Variants in SEMA5A observed in about 807,000 individuals in gnomAD.
The protein encoded by SEMA5A is semaphorin 5A.
In SEMA5A, 55 loss-of-function variants were observed where a neutral mutation model predicts 135.5. That is an observed-to-expected ratio of 0.41 (90% CI 0.33 to 0.51). The LOEUF is 0.51. Ranked by LOEUF, SEMA5A falls within the 20% of genes least tolerant of loss-of-function variation. SEMA5A has a pLI of 0.37. For missense variants in SEMA5A, 1,290 were observed against 1,419.9 expected (o/e 0.91, Z 1.47); for synonymous variants, 580 against 546.5 (o/e 1.06, Z -0.85).
intron 3 of SEMA5A, among the ~76,000 whole-genome samples, chr5:9,341,049 C>T (rs1319303492): frequency 1.3e-5 from 2 of 152,088 alleles, no homozygotes; most frequent in Non-Finnish European, 2.9e-5. Flanking sequence ...CCTATATGTA[C>T]ATCCTCTCCT....
At chr5:9,457,050 C>T (rs776261636) in intron 1 of SEMA5A, among the ~76,000 whole-genome samples, 8 of 152,156 alleles carry the variant, frequency 5.3e-5, no homozygotes, top group African/African-American at 7.2e-5. Flanking sequence ...CATTCTAGAT[C>T]GAGCCTAGCA....
chr5:9,329,557 G>C (rs935984711), intron 4 of SEMA5A, among the ~76,000 whole-genome samples: 4 of 152,210 alleles, frequency 2.6e-5, no homozygotes, highest in African/African-American at 9.7e-5. Context: ...GAGTAACACA[G>C]AGTCTTGAAA....
chr5:9,062,336 C>T (rs1342876180), intron 18 of SEMA5A, among the ~76,000 whole-genome samples: 2 of 152,094 alleles, frequency 1.3e-5, no homozygotes, highest in Non-Finnish European at 2.9e-5. Flanking sequence ...AGAGAATGGT[C>T]TTAATATTGC....
intron 5 of SEMA5A, among the ~76,000 whole-genome samples, chr5:9,314,207 T>C (rs1192329370): frequency 5.3e-5 from 8 of 152,186 alleles, no homozygotes; most frequent in African/African-American, 1.9e-4. Context: ...CATCTTTCTA[T>C]GTAATAATTG....
intron 5 of SEMA5A, among the ~76,000 whole-genome samples, chr5:9,267,946 C>T (rs574672418): frequency 2.0e-5 from 3 of 152,050 alleles, no homozygotes; most frequent in Non-Finnish European, 4.4e-5. Flanking sequence ...CATGCAAAAA[C>T]ATGCATATGA....
chr5:9,434,411 C>T (rs964662949), intron 2 of SEMA5A, among the ~76,000 whole-genome samples: 3 of 152,026 alleles, frequency 2.0e-5, no homozygotes, highest in Admixed American at 1.3e-4. Flanking sequence ...TGAGCATTCA[C>T]TACATTAATG....
At chr5:9,519,909 TC>T (rs1736727468) in intron 1 of SEMA5A, 1 of 152,184 alleles carries the variant, frequency 6.6e-6, no homozygotes, top group Non-Finnish European at 1.5e-5. Flanking sequence ...ATTTTAATAC[TC>T]CTAGACAATG....
At chr5:9,364,268 C>A (rs539143259) in intron 3 of SEMA5A, among the ~76,000 whole-genome samples, 1 of 152,258 alleles carries the variant, frequency 6.6e-6, no homozygotes, top group Admixed American at 6.5e-5. Context: ...CAATTTTGTG[C>A]AGACACCTTT....
intron 3 of SEMA5A, among the ~76,000 whole-genome samples, chr5:9,361,703 G>T (rs980579722): frequency 2.0e-5 from 3 of 152,204 alleles, no homozygotes; most frequent in Non-Finnish European, 4.4e-5. Flanking sequence ...TGGTGCAAAA[G>T]TAATTGCTCT....
At chr5:9,190,558 G>T in intron 10 of SEMA5A, 87 bp from the exon 11 acceptor site, 2 of 1,238,142 alleles carry the variant, frequency 1.6e-6, no homozygotes, top group East Asian at 2.4e-5. Flanking sequence ...AAAGTAACTT[G>T]GAAATCAAGT....
chr5:9,076,177 C>T (rs971940090), intron 16 of SEMA5A, among the ~76,000 whole-genome samples: 2 of 136,910 alleles, frequency 1.5e-5, no homozygotes, highest in African/African-American at 5.5e-5. Context: ...TGCACTCCAA[C>T]CTGGTGAGAG....
At chr5:9,353,075 AAAGGAAAGGAAAGGAAAGG>A in intron 3 of SEMA5A, among the ~76,000 whole-genome samples, 2 of 28,654 alleles carry the variant, frequency 7.0e-5, no homozygotes, top group East Asian at 2.2e-3. Context: ...AAAGGAAAGG[AAAGGAAAGGAAAGGAAAGG>A]AAGGAAGGAA....
intron 1 of SEMA5A, among the ~76,000 whole-genome samples, chr5:9,469,484 A>T (rs1759394693): frequency 6.6e-6 from 1 of 152,200 alleles, no homozygotes; most frequent in Non-Finnish European, 1.5e-5. Context: ...AACCATAAAA[A>T]CAACTCATGT....
At chr5:9,236,855 C>T (rs921155419) in intron 6 of SEMA5A, among the ~76,000 whole-genome samples, 12 of 152,122 alleles carry the variant, frequency 7.9e-5, no homozygotes, top group African/African-American at 2.9e-4. Flanking sequence ...TGACACTTGC[C>T]TCAGTGTCTG....
At chr5:9,360,306 G>T (rs915502990) in intron 3 of SEMA5A, among the ~76,000 whole-genome samples, 5 of 152,168 alleles carry the variant, frequency 3.3e-5, no homozygotes, top group African/African-American at 1.2e-4. Flanking sequence ...AGCAGTCAGG[G>T]TCTTAAGAAA....
intron 13 of SEMA5A, among the ~76,000 whole-genome samples, chr5:9,132,525 T>C (rs1490914602): frequency 6.6e-6 from 1 of 152,202 alleles, no homozygotes; most frequent in Non-Finnish European, 1.5e-5. Flanking sequence ...GATCTTAGAC[T>C]TACCAGCCTT....
At chr5:9,171,622 G>A (rs867722127) in intron 11 of SEMA5A, among the ~76,000 whole-genome samples, 3 of 152,148 alleles carry the variant, frequency 2.0e-5, no homozygotes, top group South Asian at 2.1e-4. Flanking sequence ...TGATCTATGA[G>A]GAATCTCAGG....
At chr5:9,453,127 A>G (rs1758707098) in intron 1 of SEMA5A, among the ~76,000 whole-genome samples, 1 of 152,242 alleles carries the variant, frequency 6.6e-6, no homozygotes, top group African/African-American at 2.4e-5. Flanking sequence ...TTTATTTTAC[A>G]TAGTAATTGA....
At chr5:9,151,553 T>G (rs1234473745) in intron 12 of SEMA5A, among the ~76,000 whole-genome samples, 3 of 152,252 alleles carry the variant, frequency 2.0e-5, no homozygotes, top group Non-Finnish European at 4.4e-5. Flanking sequence ...AAAATGTTTG[T>G]GCAGTTATTT....
Sources: gnomAD v4.1 joint callset for allele counts (sites outside exome capture counted in the v4.1 genomes callset) on GRCh38, gnomAD v4.1.1 for gene constraint, MANE v1.5 for transcripts, NCBI Gene and HGNC (gene_info 2026-07-23, HGNC 2026-07-21) for gene names.